VLDLR: variants seen among roughly 807,000 people sequenced by gnomAD.
The protein encoded by VLDLR is very low-density lipoprotein receptor.
A neutral mutation model predicts 112.7 loss-of-function variants in VLDLR; 81 were observed. The observed-to-expected ratio is 0.72, with a 90% CI of 0.60 to 0.86. The LOEUF (loss-of-function observed/expected upper bound fraction) is 0.86, where lower values mean the gene tolerates loss of function less well. VLDLR is among the 40% of genes least tolerant of loss of function. VLDLR has a pLI of 0.00. For synonymous variants in VLDLR, 436 were observed against 384.8 expected (o/e 1.13, Z -1.56); for missense variants, 1,237 against 1,099.4 (o/e 1.13, Z -1.77).
chr9:2,633,326 C>CTTAA (rs1817451771), intron 1 of VLDLR, among the ~76,000 whole-genome samples: 2 of 152,012 alleles, frequency 1.3e-5, no homozygotes. Context: ...CAACTAAATT[C>CTTAA]AGAGACCCTC....
At chr9:2,623,899 A>G (rs1025492063) in intron 1 of VLDLR, among the ~76,000 whole-genome samples, 1 of 152,226 alleles carries the variant, frequency 6.6e-6, no homozygotes, top group African/African-American at 2.4e-5. Flanking sequence ...TTAATCATTA[A>G]TAGATGAGTA....
intron 16 of VLDLR, among the ~76,000 whole-genome samples, 182 bp downstream of exon 16, chr9:2,651,680 A>G (rs973886230): frequency 6.6e-6 from 1 of 152,238 alleles, no homozygotes; most frequent in African/African-American, 2.4e-5. Flanking sequence ...GGTTTCTAGT[A>G]GAGAACTGTC....
chr9:2,645,118 T>G (rs1818011450), intron 9 of VLDLR, 36 bp downstream of exon 9: 1 of 1,613,628 alleles, frequency 6.2e-7, no homozygotes, highest in African/African-American at 1.3e-5. Context: ...TGTTGTACCT[T>G]TATGAGTAAG....
intron 1 of VLDLR, among the ~76,000 whole-genome samples, chr9:2,625,134 G>T (rs1369081955): frequency 6.6e-6 from 1 of 152,218 alleles, no homozygotes; most frequent in Non-Finnish European, 1.5e-5. Flanking sequence ...GTCTCTACCT[G>T]TCATAAAATT....
chr9:2,648,195 T>G lies in VLDLR; in HGVS notation c.1823-13T>G. ...GTGGCTTGTCATGTAATGACAATTC[T>G]TTTCCTACCTAGACCTTATAAAAAG... is the stretch of plus-strand genomic sequence containing the variant. On this transcript the variant is annotated splice_polypyrimidine_tract_variant and intron_variant, in intron 12 of 18. Transcript: ENST00000382100. 6.2e-7 allele frequency: 1 copy of G among 1,614,084 alleles called. No homozygotes were observed. Among genetic ancestry groups the G allele is most frequent in the African/African-American group, 1.3e-5 (1 of 75,062 alleles).
intron 8 of VLDLR, 22 bp from the exon 9 acceptor site, chr9:2,644,935 C>CT (rs758316122): frequency 1.2e-6 from 2 of 1,614,164 alleles, no homozygotes; most frequent in South Asian, 2.2e-5. Flanking sequence ...AGCAGCAAGA[C>CT]TAATTCTGAT....
chr9:2,640,070 C>T, intron 3 of VLDLR, 89 bp downstream of exon 3: 4 of 1,607,952 alleles, frequency 2.5e-6, no homozygotes, highest in Non-Finnish European at 3.4e-6. Context: ...ACTTGGTATT[C>T]ATTTTTCTTT....
chr9:2,628,205 A>G (rs1817181269), intron 1 of VLDLR, among the ~76,000 whole-genome samples: 1 of 152,208 alleles, frequency 6.6e-6, no homozygotes, highest in African/African-American at 2.4e-5. Context: ...GAAAAATGGT[A>G]GCTGAACTCA....
intron 1 of VLDLR, among the ~76,000 whole-genome samples, chr9:2,626,798 G>T (rs1242208621): frequency 9.2e-6 from 1 of 108,166 alleles, no homozygotes; most frequent in African/African-American, 3.7e-5. Flanking sequence ...GACAGCATTT[G>T]TGAGTTACAT....
intron 2 of VLDLR, among the ~76,000 whole-genome samples, chr9:2,636,443 A>G (rs1274731302): frequency 6.6e-6 from 1 of 152,236 alleles, no homozygotes; most frequent in Non-Finnish European, 1.5e-5. Flanking sequence ...ATCAACTGCC[A>G]TCTTGTTATG....
Position 2,643,392 on chromosome 9 carries a change from G to A in VLDLR, c.681G>A (p.Glu227=). The change falls in exon 5 of 19, where the codon GAG becomes GAA. Residue 227 remains glutamate, a synonymous_variant. Coordinates refer to ENST00000382100, the MANE Select transcript of VLDLR (RefSeq NM_003383.5). ...DCSDQSDESL[E]QCGRQPVIHT... is the part of the protein sequence containing the mutation. ...CCGACCAATCTGATGAGTCCCTGGA[G>A]CAGTGTGGCCGTCAGCCAGTCATAC... The A allele has an allele frequency of 1.2e-6, 2 of 1,614,138 alleles. No homozygotes were observed. The highest frequency in any genetic ancestry group is 1.7e-6 in the Non-Finnish European group (2 of 1,180,036).
At position 2,650,403 on chromosome 9, in the gene VLDLR, G is replaced by C; in HGVS notation, c.2138G>C (p.Gly713Ala). The stretch of plus-strand genomic sequence containing the variant: ...TGGTGTGAAGAAGACATGGAGAATG[G>C]AGGATGTGAATACCTATGCCTGCCA... ...KNWCEEDMEN[G>A]GCEYLCLPAP... The change falls in exon 15 of 19, where the codon GGA becomes GCA. Residue 713 changes from glycine to alanine, a missense_variant. Coordinates refer to ENST00000382100, the MANE Select transcript of VLDLR (RefSeq NM_003383.5). 6.2e-7 allele frequency: 1 copy of C among 1,614,088 alleles called. No individual in the cohort carries two copies. Among genetic ancestry groups the C allele is most frequent in the Non-Finnish European group, 8.5e-7 (1 of 1,180,000 alleles).
chr9:2,641,267 A>G, intron 3 of VLDLR, 110 bp from the exon 4 acceptor site: 1 of 1,547,292 alleles, frequency 6.5e-7, no homozygotes, highest in South Asian at 1.1e-5. Flanking sequence ...GAATTTCACC[A>G]GTGTGCCAGG....
chr9:2,640,400 A>G lies in VLDLR; in HGVS notation c.325+419A>G, dbSNP rs372805899. ...CTTATCATACTATTAAAAAGCTATT[A>G]CTGAAGAGGTAAGGTAGCTAGTAAT... On this transcript the variant is annotated intron_variant, in intron 3 of 18. Transcript: ENST00000382100. 3.7e-4 allele frequency among the ~76,000 whole-genome samples: 57 copies of G among 152,356 alleles called. 2 individuals are homozygous for G. Among genetic ancestry groups the G allele is most frequent in the African/African-American group, 1.4e-3 (57 of 41,582 alleles).
chr9:2,633,045 AGAGAGAGTGTGTGTGTGTGTGT>A (rs1185751284), intron 1 of VLDLR, among the ~76,000 whole-genome samples: 2 of 113,700 alleles, frequency 1.8e-5, no homozygotes, highest in Middle Eastern at 3.7e-3. Context: ...AGAGAGAGAG[AGAGAGAGTGTGTGTGTGTGTGT>A]GTGTGTGTGT....
At chr9:2,646,110 T>G (rs1214246338) in intron 10 of VLDLR, among the ~76,000 whole-genome samples, 1 of 152,004 alleles carries the variant, frequency 6.6e-6, no homozygotes, top group Admixed American at 6.6e-5. Flanking sequence ...ACTTAGAAAT[T>G]TGTTGTTCTT....
rs1229965383 is a variant in VLDLR, at chr9:2,655,096, CA to C, written c.*1229del. The C allele has an allele frequency of 3.3e-5, 5 of 152,364 alleles. No homozygotes were observed. In the East Asian group the frequency reaches 9.6e-4, roughly 29 times the overall value. 9.4% of individuals were successfully genotyped at this position (152,364 alleles called of 1,614,324 possible). A position where few individuals can be genotyped will look rare whatever the true frequency, so the allele number is the denominator to read the frequency against. On this transcript the variant is annotated 3_prime_UTR_variant, in exon 19 of 19. Coordinates refer to ENST00000382100, the MANE Select transcript of VLDLR (RefSeq NM_003383.5). ...GGGGGCGAGGGCTGAAACCTGCTTT[CA>C]TAAGCCCTTCAGGCGATACTGATGT...
rs1035447455 is a variant in VLDLR, at chr9:2,638,017, C to T, written c.203-1842C>T. On this transcript the variant is annotated intron_variant, in intron 2 of 18. Coordinates refer to ENST00000382100, the MANE Select transcript of VLDLR (RefSeq NM_003383.5). ...GGGTCTCTTTACAGCCATTCCGCTACTCCCTCTTTTGTAGCTTCCAAAGAA... is the reference window on the plus strand; with the variant it reads ...GGGTCTCTTTACAGCCATTCCGCTATTCCCTCTTTTGTAGCTTCCAAAGAA... 6.6e-5 allele frequency among the ~76,000 whole-genome samples: 10 copies of T among 152,202 alleles called. No individual in the cohort carries two copies. The East Asian group carries it at 1.7e-3, about 26-fold the overall frequency.
Position 2,654,002 on chromosome 9 carries a change from AGCTTG to A in VLDLR, c.*135_*139del. 1 of 892,814 alleles carries A rather than the reference AGCTTG, an allele frequency of 1.1e-6. No individual in the cohort carries two copies. Among genetic ancestry groups the A allele is most frequent in the Non-Finnish European group, 1.8e-6 (1 of 545,184 alleles). The allele number at this position is 892,814 out of a possible 1,614,324, so 55.3% of individuals were successfully genotyped here. The stretch of plus-strand genomic sequence containing the variant: ...CATCAAGATACCTTTGCGTGGATCA[AGCTTG>A]TGTACTTGACCGTTTTTATATTACT... On this transcript the variant is annotated 3_prime_UTR_variant, in exon 19 of 19. Coordinates refer to ENST00000382100, the MANE Select transcript of VLDLR (RefSeq NM_003383.5).
Sources: gnomAD v4.1 joint callset for allele counts (sites outside exome capture counted in the v4.1 genomes callset) on GRCh38, gnomAD v4.1.1 for gene constraint, MANE v1.5 for transcripts, NCBI Gene and HGNC (gene_info 2026-07-23, HGNC 2026-07-21) for gene names.